Variants in SPIN3 observed in about 807,000 individuals in gnomAD.
The protein encoded by SPIN3 is spindlin family member 3, also known as spindlin-3.
For missense variants in SPIN3, 176 were observed against 196.4 expected (o/e 0.90, Z 0.62); for synonymous variants, 74 against 74.3 (o/e 1.00, Z 0.02).
chrX:56,976,359 C>T (rs776760171), downstream of SPIN3: 5 of 111,633 alleles, frequency 4.5e-5, no homozygotes, highest in Non-Finnish European at 9.4e-5. Context: ...ATCTTTATAA[C>T]CTTCACACTG....
Position 56,992,687 on chromosome X carries a change from C to G in SPIN3, c.*1484G>C, listed in dbSNP as rs766245431. ...CCATGGCCTTATTAGGCTGTTACTG[C>G]TAATGGAGCTTCTGTGAGAACCTCA... On this transcript the variant is annotated 3_prime_UTR_variant, in exon 2 of 2. Transcript: ENST00000374919. The G allele has an allele frequency of 2.4e-5, 7 of 290,694 alleles. No individual in the cohort carries two copies. The Admixed American group carries it at 4.4e-4, about 18-fold the overall frequency. The allele number at this position is 290,694 out of a possible 1,213,427, so 24.0% of individuals were successfully genotyped here.
At chrX:56,987,943 C>T (rs1175312841), downstream of SPIN3, among the ~76,000 whole-genome samples, 1 of 112,009 alleles carries the variant, frequency 8.9e-6, no homozygotes, top group Non-Finnish European at 1.9e-5. Flanking sequence ...CTTTATTAAG[C>T]ATCTGTGCTG....
chrX:56,976,398 A>C (rs1228973681), downstream of SPIN3: 1 of 111,988 alleles, frequency 8.9e-6, no homozygotes, highest in African/African-American at 3.2e-5. Context: ...ATGAATTAAA[A>C]ATTTTATTTA....
At chrX:56,977,973 A>C (rs1924040560) in intron 5 of SPIN3, 1 of 111,760 alleles carries the variant, frequency 8.9e-6, no homozygotes, top group Non-Finnish European at 1.9e-5. Flanking sequence ...TTTTTAAATA[A>C]ATTTTCAGGT....
downstream of SPIN3, among the ~76,000 whole-genome samples, chrX:56,989,982 G>GT (rs1160086479): frequency 1.0e-5 from 1 of 100,186 alleles, no homozygotes; most frequent in Non-Finnish European, 2.0e-5. Context: ...CACCCTGTCC[G>GT]TGGAAAAATT....
In SPIN3 at chrX:56,992,128, A is replaced by G; in HGVS notation, c.*2043T>C. On this transcript the variant is annotated 3_prime_UTR_variant, in exon 2 of 2. Coordinates refer to ENST00000374919, the MANE Select transcript of SPIN3 (RefSeq NM_001010862.3). The stretch of plus-strand genomic sequence containing the variant: ...CGTTTTTCTCATTTCAGCCATATAG[A>G]TCTCACAAAGATGTCTGCCCAGATA... 1 of 297,570 alleles carries G rather than the reference A, an allele frequency of 3.4e-6. No individual in the cohort carries two copies. Among genetic ancestry groups the G allele is most frequent in the Non-Finnish European group, 5.9e-6 (1 of 170,316 alleles). The allele number at this position is 297,570 out of a possible 1,213,427, so 24.5% of individuals were successfully genotyped here. A position where few individuals can be genotyped will look rare whatever the true frequency, so the allele number is the denominator to read the frequency against.
At chrX:56,983,551 A>T (rs1924162998) in intron 3 of SPIN3, among the ~76,000 whole-genome samples, 1 of 112,865 alleles carries the variant, frequency 8.9e-6, no homozygotes, top group East Asian at 2.8e-4. Flanking sequence ...CATTTGAATT[A>T]CTGTGTGGGT....
chrX:56,987,158 C>T (rs1161557432), downstream of SPIN3, among the ~76,000 whole-genome samples: 1 of 111,394 alleles, frequency 9.0e-6, no homozygotes, highest in East Asian at 2.8e-4. Flanking sequence ...AACAAACAAA[C>T]AAAAACATAT....
At chrX:56,978,358 A>C (rs915419486) in exon 5 of SPIN3, 4 of 111,011 alleles carry the variant, frequency 3.6e-5, no homozygotes, top group African/African-American at 1.3e-4. Flanking sequence ...TTGGCCTTGA[A>C]CTCCACCTTG....
At position 56,994,296 on chromosome X, in the gene SPIN3, T is replaced by C; in HGVS notation, c.652A>G (p.Lys218Glu). The change falls in exon 2 of 2, where the codon AAA (lysine) becomes GAA (glutamate). Residue 218 changes from lysine to glutamate, a missense_variant. Transcript: ENST00000374919. ...SLVGKQVEYA[K>E]DDGSKRTGMV... is the part of the protein sequence containing the mutation. ...CCAGTTCTCTTGGAGCCATCGTCTT[T>C]GGCGTATTCCACCTGTTTGCCTACC... 1.6e-6 allele frequency: 2 copies of C among 1,212,168 alleles called. No individual in the cohort carries two copies. The highest frequency in any genetic ancestry group is 3.0e-5 in the East Asian group (1 of 33,856).
downstream of SPIN3, chrX:56,976,394 T>G (rs1924006526): frequency 8.9e-6 from 1 of 111,971 alleles, no homozygotes; most frequent in South Asian, 3.7e-4. Flanking sequence ...TTGCATGAAT[T>G]AAAAATTTTA....
At position 56,994,206 on chromosome X, in the gene SPIN3, G is replaced by A; in HGVS notation, c.742C>T (p.His248Tyr). 8.3e-7 allele frequency: 1 copy of A among 1,207,570 alleles called. No homozygotes were observed. The highest frequency in any genetic ancestry group is 3.0e-5 in the East Asian group (1 of 33,794). Residue 248 changes from histidine (H) to tyrosine (Y), a missense_variant, in exon 2 of 2, where the codon CAT (histidine) becomes TAT (tyrosine). Transcript: ENST00000374919. Reference protein sequence around the residue: ...VYFIKFDDDFHIYVYDLVKTS With the variant: ...VYFIKFDDDFYIYVYDLVKTS ...TTTACCAAATCGTAGACATAGATAT[G>A]GAAATCATCATCAAATTTGATGAAG...
chrX:56,991,039 A>T lies in SPIN3; in HGVS notation c.*3132T>A, dbSNP rs1924323704. The T allele has an allele frequency of 8.9e-6, 1 of 111,847 alleles. No homozygotes were observed. The highest frequency in any genetic ancestry group is 3.7e-4 in the South Asian group (1 of 2,679). The allele number at this position is 111,847 out of a possible 1,213,427, so 9.2% of individuals were successfully genotyped here. A position where few individuals can be genotyped will look rare whatever the true frequency, so the allele number is the denominator to read the frequency against. ...GTTGTTACTTTTTGAAAATGGGACCAGGGAACTGAGGCCAGGGGTGAGAAG... is the reference window on the plus strand; with the variant it reads ...GTTGTTACTTTTTGAAAATGGGACCTGGGAACTGAGGCCAGGGGTGAGAAG... On this transcript the variant is annotated 3_prime_UTR_variant, in exon 2 of 2. Coordinates refer to ENST00000374919, the MANE Select transcript of SPIN3 (RefSeq NM_001010862.3).
chrX:56,981,360 C>CAA (rs34960496), intron 3 of SPIN3, among the ~76,000 whole-genome samples: 5 of 39,185 alleles, frequency 1.3e-4, no homozygotes, highest in Non-Finnish European at 1.9e-4. Context: ...GACTCCATCT[C>CAA]AAAAAAAAAA....
chrX:56,979,417 C>A (rs1924069536), intron 3 of SPIN3: 2 of 111,588 alleles, frequency 1.8e-5, no homozygotes, highest in African/African-American at 6.5e-5. Flanking sequence ...ACCAGTTTGC[C>A]ACCATCTTAA....
rs1924450667 is a variant in SPIN3, at chrX:56,994,844, T to C, written c.104A>G (p.Lys35Arg). Residue 35 changes from lysine (K) to arginine (R), a missense_variant, in exon 2 of 2, where the codon AAG becomes AGG. Lys to Arg is a conservative substitution (Grantham distance 26). Coordinates refer to ENST00000374919, the MANE Select transcript of SPIN3 (RefSeq NM_001010862.3). ...VTMIKRKAAH[K>R]KHRSRPTSQP... is the part of the protein sequence containing the mutation. ...GGAGGTGGGTCGGCTCCTATGCTTC[T>C]TGTGTGCAGCCTTCCTCTTTATCAT... 7 of 1,210,037 alleles carry C rather than the reference T, an allele frequency of 5.8e-6. No individual in the cohort carries two copies. Among genetic ancestry groups the C allele is most frequent in the Non-Finnish European group, 7.8e-6 (7 of 895,278 alleles).
At chrX:56,977,667 C>T (rs1924034477) in intron 5 of SPIN3, 1 of 112,214 alleles carries the variant, frequency 8.9e-6, no homozygotes, top group Admixed American at 9.5e-5. Context: ...ACTTAATCTC[C>T]AATGTGGCAG....
chrX:56,978,199 A>C (rs1262757640), intron 5 of SPIN3: 2 of 112,446 alleles, frequency 1.8e-5, no homozygotes. Flanking sequence ...ACACTGCTTT[A>C]GGCCTAGACA....
chrX:56,976,906 T>C (rs1924018244), exon 6 of SPIN3: 1 of 112,030 alleles, frequency 8.9e-6, no homozygotes, highest in African/African-American at 3.2e-5. Context: ...AGCCAATAAT[T>C]GCAGAAAGAA....
Sources: allele counts gnomAD v4.1 joint callset (sites outside exome capture counted in the v4.1 genomes callset), GRCh38; gene constraint gnomAD v4.1.1; transcripts MANE v1.5; gene names NCBI Gene and HGNC (gene_info 2026-07-23, HGNC 2026-07-21).